Variants in ZNF37A observed in about 807,000 individuals in gnomAD.
ZNF37A encodes zinc finger protein 37A, also known as zinc finger protein 37a (KOX 21).
Under a neutral mutation model 12.3 loss-of-function variants are expected in ZNF37A, and 10 were observed. The observed-to-expected ratio is 0.82, with a 90% CI of 0.50 to 1.38. The LOEUF is 1.38. Ranked by LOEUF, ZNF37A falls within the 40% of genes most tolerant of loss-of-function variation. ZNF37A has a pLI of 0.00. For synonymous variants in ZNF37A, 207 were observed against 223.0 expected (o/e 0.93, Z 0.64); for missense variants, 580 against 651.2 (o/e 0.89, Z 1.19).
At chr10:38,150,089 C>T (rs2070308784) in exon 8 of ZNF37A, 1 of 152,300 alleles carries the variant, frequency 6.6e-6, no homozygotes, top group Non-Finnish European at 1.5e-5. Context: ...TTGCAAGTTT[C>T]TTCTTGTCTG....
downstream of ZNF37A, among the ~76,000 whole-genome samples, chr10:38,129,319 A>AAAAAAAAAAAAAACAAC: frequency 6.9e-5 from 8 of 116,292 alleles, 1 homozygote; most frequent in African/African-American, 2.5e-4. Context: ...AAAAAAAAAA[A>AAAAAAAAAAAAAACAAC]AAACTATTAT....
At chr10:38,116,381 TC>T (rs1457532896) in intron 7 of ZNF37A, among the ~76,000 whole-genome samples, 9 of 152,184 alleles carry the variant, frequency 5.9e-5, no homozygotes, top group African/African-American at 2.2e-4. Flanking sequence ...ATAAAAACAG[TC>T]CTTTCATGTT....
At chr10:38,136,322 T>G (rs1590945996) in intron 7 of ZNF37A, among the ~76,000 whole-genome samples, 2 of 152,132 alleles carry the variant, frequency 1.3e-5, no homozygotes, top group Admixed American at 6.5e-5. Flanking sequence ...TTTTTTGCAT[T>G]TTTAGTAGGA....
At chr10:38,131,214 A>G (rs1475031876) in intron 7 of ZNF37A, among the ~76,000 whole-genome samples, 1 of 152,166 alleles carries the variant, frequency 6.6e-6, no homozygotes, top group Non-Finnish European at 1.5e-5. Context: ...ATTTTGATCA[A>G]GTCCAATTGA....
intron 5 of ZNF37A, among the ~76,000 whole-genome samples, chr10:38,103,207 G>T (rs537180798): frequency 6.6e-6 from 1 of 152,070 alleles, no homozygotes; most frequent in South Asian, 2.1e-4. Flanking sequence ...GGATCTCTTA[G>T]GCACTGTCTA....
chr10:38,121,750 C>T lies in ZNF37A; in HGVS notation c.*2913C>T, dbSNP rs1265492104. Reference sequence around the variant, plus strand: ...AAATAAATAAATTGTTGTGTGTGCACATATGCATATATTTTGTGTTCATTC... The same window carrying T: ...AAATAAATAAATTGTTGTGTGTGCATATATGCATATATTTTGTGTTCATTC... On this transcript the variant is annotated 3_prime_UTR_variant, in exon 8 of 8. Coordinates refer to ENST00000685332, the MANE Select transcript of ZNF37A (RefSeq NM_001324250.3). The T allele has an allele frequency of 1.3e-5, 2 of 152,144 alleles. No homozygotes were observed. Among genetic ancestry groups the T allele is most frequent in the African/African-American group, 2.4e-5 (1 of 41,416 alleles). The allele number at this position is 152,144 out of a possible 1,614,324, so 9.4% of individuals were successfully genotyped here. A position where few individuals can be genotyped will look rare whatever the true frequency, so the allele number is the denominator to read the frequency against.
At chr10:38,105,853 A>G (rs2068026379) in intron 5 of ZNF37A, among the ~76,000 whole-genome samples, 2 of 152,120 alleles carry the variant, frequency 1.3e-5, no homozygotes, top group Middle Eastern at 3.2e-3. Flanking sequence ...TTGATTTTGT[A>G]CTCTGCAACT....
intron 7 of ZNF37A, among the ~76,000 whole-genome samples, chr10:38,146,102 A>G (rs766563323): frequency 6.6e-6 from 1 of 152,216 alleles, no homozygotes; most frequent in African/African-American, 2.4e-5. Context: ...TCTGTCTCAA[A>G]CAAAAAGAAA....
chr10:38,099,106 C>A (rs577934746), intron 5 of ZNF37A, among the ~76,000 whole-genome samples: 1 of 152,188 alleles, frequency 6.6e-6, no homozygotes, highest in East Asian at 1.9e-4. Context: ...ATATATGTGG[C>A]CAAAGCAGGA....
intron 7 of ZNF37A, among the ~76,000 whole-genome samples, chr10:38,136,141 A>G (rs1246617597): frequency 6.6e-6 from 1 of 152,144 alleles, no homozygotes; most frequent in African/African-American, 2.4e-5. Flanking sequence ...AAAATTTTTC[A>G]AAGCATTTTT....
In ZNF37A at chr10:38,114,825, A is replaced by C. The variant is rs1174376004; in HGVS notation, c.86A>C (p.Gln29Pro). 6.2e-7 allele frequency: 1 copy of C among 1,614,082 alleles called. No homozygotes were observed. Among genetic ancestry groups the C allele is most frequent in the Non-Finnish European group, 8.5e-7 (1 of 1,179,974 alleles). ...QEEWQHLDPA[Q>P]RTLYRDVMLE... ...GAGTGGCAGCATCTGGACCCTGCTC[A>C]GAGGACCCTGTACAGGGATGTGATG... is the stretch of plus-strand genomic sequence containing the variant. Residue 29 changes from glutamine to proline, a missense_variant, in exon 6 of 8, where the codon CAG becomes CCG. Coordinates refer to ENST00000685332, the MANE Select transcript of ZNF37A (RefSeq NM_001324250.3).
chr10:38,138,572 T>C (rs1286985387), intron 7 of ZNF37A: 2 of 152,218 alleles, frequency 1.3e-5, no homozygotes, highest in Non-Finnish European at 1.5e-5. Context: ...TATATTGGAC[T>C]AAGGTTAGAA....
chr10:38,146,474 A>G (rs2070256265), intron 7 of ZNF37A, among the ~76,000 whole-genome samples: 1 of 152,154 alleles, frequency 6.6e-6, no homozygotes. Context: ...GGATAAATTA[A>G]TTAAGCCCTC....
chr10:38,126,637 G>A (rs1462765323), downstream of ZNF37A, among the ~76,000 whole-genome samples: 1 of 152,186 alleles, frequency 6.6e-6, no homozygotes, highest in Non-Finnish European at 1.5e-5. Context: ...TGGCCAATGA[G>A]GAAGAAACCA....
chr10:38,129,319 A>AAAAC (rs1554785462), downstream of ZNF37A, among the ~76,000 whole-genome samples: 50 of 116,298 alleles, frequency 4.3e-4, 7 homozygotes, highest in Non-Finnish European at 4.8e-4. Context: ...AAAAAAAAAA[A>AAAAC]AAACTATTAT....
downstream of ZNF37A, among the ~76,000 whole-genome samples, chr10:38,128,621 C>T (rs1443696719): frequency 6.6e-6 from 1 of 152,106 alleles, no homozygotes; most frequent in Non-Finnish European, 1.5e-5. Flanking sequence ...ATCATGTTTT[C>T]TTCTTTCTAA....
Position 38,114,705 on chromosome 10 carries a change from C to T in ZNF37A, c.16-50C>T, listed in dbSNP as rs774251701. 4.5e-5 allele frequency: 73 copies of T among 1,611,832 alleles called. No homozygotes were observed. In the East Asian group the frequency reaches 1.2e-3, roughly 27 times the overall value. On this transcript the variant is annotated intron_variant, in intron 5 of 7. Transcript: ENST00000685332. The stretch of plus-strand genomic sequence containing the variant: ...ATTAGTCCCTAAACATCTTTTTTCA[C>T]GTCAACTGATTCTTATCACTTCAGA...
intron 5 of ZNF37A, among the ~76,000 whole-genome samples, chr10:38,098,483 T>C (rs191329158): frequency 1.2e-3 from 185 of 152,338 alleles, no homozygotes; most frequent in Non-Finnish European, 2.1e-3. Flanking sequence ...TTGATAAGTA[T>C]TGCATTGGGT....
intron 5 of ZNF37A, among the ~76,000 whole-genome samples, chr10:38,102,834 G>C (rs1191830290): frequency 6.6e-6 from 1 of 151,752 alleles, no homozygotes; most frequent in Non-Finnish European, 1.5e-5. Flanking sequence ...TAGAATTTTT[G>C]TTATTTTTTT....
Sources: allele counts gnomAD v4.1 joint callset (sites outside exome capture counted in the v4.1 genomes callset), GRCh38; gene constraint gnomAD v4.1.1; transcripts MANE v1.5; gene names NCBI Gene and HGNC (gene_info 2026-07-23, HGNC 2026-07-21).